Variants in CAMK1D observed in about 807,000 individuals in gnomAD.
CAMK1D encodes the protein calcium/calmodulin-dependent protein kinase type 1D.
A neutral mutation model predicts 47.7 loss-of-function variants in CAMK1D; 9 were observed. That is an observed-to-expected ratio of 0.19 (90% CI 0.11 to 0.33). The LOEUF (loss-of-function observed/expected upper bound fraction) is 0.33. CAMK1D is among the 10% of genes least tolerant of loss of function. The pLI, the probability that CAMK1D is intolerant of heterozygous loss-of-function variation, is 1.00. For missense variants in CAMK1D, 291 were observed against 488.7 expected (o/e 0.60, Z 3.81); for synonymous variants, 184 against 184.9 (o/e 0.99, Z 0.04).
At chr10:12,363,443 T>G (rs1456052199) in intron 1 of CAMK1D, among the ~76,000 whole-genome samples, 4 of 151,610 alleles carry the variant, frequency 2.6e-5, no homozygotes, top group Admixed American at 2.6e-4. Flanking sequence ...TTAGTACAGA[T>G]GGGGTTTCAC....
At chr10:12,615,869 T>TGC (rs1838784940) in intron 2 of CAMK1D, among the ~76,000 whole-genome samples, 1 of 7,376 alleles carries the variant, frequency 1.4e-4, no homozygotes, top group Non-Finnish European at 0.011. Context: ...TATGCATGTA[T>TGC]GTGTATAAGT....
chr10:12,529,337 T>C (rs1043638650), intron 1 of CAMK1D, among the ~76,000 whole-genome samples: 2 of 152,178 alleles, frequency 1.3e-5, no homozygotes, highest in Admixed American at 1.3e-4. Flanking sequence ...TCAGGGTTCA[T>C]GGATTCTTCT....
chr10:12,721,269 C>T (rs1286658131), intron 3 of CAMK1D, among the ~76,000 whole-genome samples: 1 of 152,212 alleles, frequency 6.6e-6, no homozygotes, highest in African/African-American at 2.4e-5. Flanking sequence ...TTTTTTCTCA[C>T]TTAATGGACA....
intron 1 of CAMK1D, among the ~76,000 whole-genome samples, chr10:12,487,251 T>G (rs1241484925): frequency 6.6e-6 from 1 of 152,206 alleles, no homozygotes; most frequent in Non-Finnish European, 1.5e-5. Flanking sequence ...AGGAGCTAAA[T>G]TTTTTCATTA....
intron 1 of CAMK1D, among the ~76,000 whole-genome samples, chr10:12,437,174 ATCTGTCTG>A (rs34589186): frequency 8.7e-5 from 13 of 149,986 alleles, no homozygotes; most frequent in African/African-American, 3.3e-4. Context: ...CTATCTGTCC[ATCTGTCTG>A]TCTGTCTGTC....
intron 1 of CAMK1D, among the ~76,000 whole-genome samples, chr10:12,379,392 T>C (rs1838277571): frequency 6.6e-6 from 1 of 152,192 alleles, no homozygotes; most frequent in Non-Finnish European, 1.5e-5. Context: ...TTTCATGAGA[T>C]AAATCATCAG....
In CAMK1D at chr10:12,635,084, C is replaced by T. The variant is rs551929411; in HGVS notation, c.225-31652C>T. On this transcript the variant is annotated intron_variant, in intron 2 of 10. Transcript: ENST00000619168. ...TGGAGGGGCAGGGACAGTGGATGATCAACAAGATAATTTTGGAAGCTGATA... is the reference window on the plus strand; with the variant it reads ...TGGAGGGGCAGGGACAGTGGATGATTAACAAGATAATTTTGGAAGCTGATA... 5.3e-4 allele frequency among the ~76,000 whole-genome samples: 81 copies of T among 152,128 alleles called. 1 individual carries two copies. The highest frequency in any genetic ancestry group is 1.9e-3 in the African/African-American group (78 of 41,518).
intron 3 of CAMK1D, among the ~76,000 whole-genome samples, chr10:12,713,107 G>T (rs11257950): frequency 0.017 from 2,526 of 151,618 alleles, 74 homozygotes; most frequent in African/African-American, 0.058. Context: ...TTTTGCTCTT[G>T]TTGCCCAAGC....
At chr10:12,659,543 G>C (rs1272367847) in intron 2 of CAMK1D, among the ~76,000 whole-genome samples, 1 of 152,156 alleles carries the variant, frequency 6.6e-6, no homozygotes, top group Non-Finnish European at 1.5e-5. Context: ...TGCTATCACT[G>C]TTCTTGTGAC....
chr10:12,442,728 G>A (rs1416152140), intron 1 of CAMK1D, among the ~76,000 whole-genome samples: 1 of 152,030 alleles, frequency 6.6e-6, no homozygotes. Context: ...TATATCGAGT[G>A]TTTTTTTCTT....
intron 3 of CAMK1D, among the ~76,000 whole-genome samples, chr10:12,724,306 G>A (rs1834522765): frequency 6.6e-6 from 1 of 152,132 alleles, no homozygotes; most frequent in Non-Finnish European, 1.5e-5. Flanking sequence ...TTTGTCTTGG[G>A]CTGCCTTCTG....
At chr10:12,435,397 C>T (rs1832604046) in intron 1 of CAMK1D, among the ~76,000 whole-genome samples, 1 of 152,020 alleles carries the variant, frequency 6.6e-6, no homozygotes. Flanking sequence ...TGCTCAGCAC[C>T]TCATTTCCAT....
At chr10:12,783,054 G>A (rs1054296503) in intron 5 of CAMK1D, among the ~76,000 whole-genome samples, 4 of 148,558 alleles carry the variant, frequency 2.7e-5, no homozygotes, top group Non-Finnish European at 4.4e-5. Flanking sequence ...GTGCAGTGGT[G>A]CAATCTTGGC....
chr10:12,783,816 G>T (rs201851089), intron 5 of CAMK1D, among the ~76,000 whole-genome samples: 1 of 152,114 alleles, frequency 6.6e-6, no homozygotes. Context: ...CTTGGTTCCC[G>T]CAAAGTGGAA....
At chr10:12,785,152 G>A (rs909416514) in intron 5 of CAMK1D, among the ~76,000 whole-genome samples, 1 of 152,200 alleles carries the variant, frequency 6.6e-6, no homozygotes, top group African/African-American at 2.4e-5. Flanking sequence ...AAGGCTGGAC[G>A]TGCCGACTGG....
intron 1 of CAMK1D, among the ~76,000 whole-genome samples, chr10:12,506,365 A>G (rs1021474069): frequency 1.3e-5 from 2 of 152,114 alleles, no homozygotes; most frequent in Non-Finnish European, 2.9e-5. Flanking sequence ...GGTTGCAGTG[A>G]GCTGAGATTG....
intron 1 of CAMK1D, among the ~76,000 whole-genome samples, chr10:12,383,099 C>G (rs1838388538): frequency 6.6e-6 from 1 of 152,122 alleles, no homozygotes; most frequent in Non-Finnish European, 1.5e-5. Context: ...AGCTGTTGCT[C>G]TAATATAATT....
At chr10:12,580,792 T>C (rs1266103913) in intron 2 of CAMK1D, among the ~76,000 whole-genome samples, 2 of 152,214 alleles carry the variant, frequency 1.3e-5, no homozygotes, top group African/African-American at 2.4e-5. Context: ...TTTTGAAAAG[T>C]ATTATTTTAC....
intron 3 of CAMK1D, among the ~76,000 whole-genome samples, chr10:12,667,395 A>T (rs764749851): frequency 1.3e-5 from 2 of 152,234 alleles, no homozygotes; most frequent in Non-Finnish European, 2.9e-5. Context: ...AACACTGGAG[A>T]TTACCAAAAG....
Sources: gnomAD v4.1 joint callset for allele counts (sites outside exome capture counted in the v4.1 genomes callset) on GRCh38, gnomAD v4.1.1 for gene constraint, MANE v1.5 for transcripts, NCBI Gene and HGNC (gene_info 2026-07-23, HGNC 2026-07-21) for gene names.